The following FAM47E variants were observed in gnomAD, a reference collection of about 807,000 sequenced individuals.
FAM47E encodes family with sequence similarity 47 member E.
In FAM47E, 32 loss-of-function variants were observed where a neutral mutation model predicts 41.6. That is an observed-to-expected ratio of 0.77 (90% confidence interval 0.58 to 1.03). The LOEUF is 1.03. FAM47E is among the 50% of genes least tolerant of loss of function. The pLI, the probability that FAM47E is intolerant of heterozygous loss-of-function variation, is 0.00. For synonymous variants in FAM47E, 184 were observed against 188.7 expected (o/e 0.98, Z 0.20); for missense variants, 424 against 485.4 (o/e 0.87, Z 1.19).
intron 2 of FAM47E, among the ~76,000 whole-genome samples, chr4:76,232,997 G>T (rs942858295): frequency 6.6e-6 from 1 of 152,114 alleles, no homozygotes; most frequent in Non-Finnish European, 1.5e-5. Flanking sequence ...CCAGTTGTTT[G>T]AACCTTCAGC....
upstream of FAM47E, among the ~76,000 whole-genome samples, chr4:76,247,344 G>A (rs1384759578): frequency 6.6e-6 from 1 of 152,016 alleles, no homozygotes; most frequent in Non-Finnish European, 1.5e-5. Flanking sequence ...TTCATCTGTT[G>A]GTGGACACTT....
At chr4:76,228,402 C>T (rs1393570397) in intron 2 of FAM47E, among the ~76,000 whole-genome samples, 1 of 151,588 alleles carries the variant, frequency 6.6e-6, no homozygotes, top group Non-Finnish European at 1.5e-5. Context: ...TCACTTGAAC[C>T]CGGAAGGTGA....
intron 2 of FAM47E, among the ~76,000 whole-genome samples, chr4:76,233,584 ACG>A (rs1733529302): frequency 1.9e-4 from 3 of 15,818 alleles, no homozygotes; most frequent in Middle Eastern, 0.083. Context: ...ACACACACAC[ACG>A]CACACACACA....
At chr4:76,264,959 A>G (rs1734571382) in intron 3 of FAM47E, among the ~76,000 whole-genome samples, 1 of 152,214 alleles carries the variant, frequency 6.6e-6, no homozygotes, top group Non-Finnish European at 1.5e-5. Context: ...TGAACTAGAG[A>G]GTAGCCTATC....
At chr4:76,214,163 A>G in exon 1 of FAM47E, 1 of 451,106 alleles carries the variant, frequency 2.2e-6, no homozygotes, top group East Asian at 7.0e-5. Context: ...TGGGGATTCA[A>G]GGTGGCTGGG....
chr4:76,261,915 G>A (rs1675244601), intron 2 of FAM47E, among the ~76,000 whole-genome samples: 1 of 152,144 alleles, frequency 6.6e-6, no homozygotes, highest in African/African-American at 2.4e-5. Flanking sequence ...ATTCCTTACA[G>A]CTGCTGAAAT....
At chr4:76,258,980 A>G (rs1278253003) in intron 2 of FAM47E, among the ~76,000 whole-genome samples, 2 of 152,222 alleles carry the variant, frequency 1.3e-5, no homozygotes, top group Admixed American at 6.5e-5. Context: ...GAAACATGGT[A>G]AAGTGTTATT....
chr4:76,277,105 C>CT, intron 5 of FAM47E, among the ~76,000 whole-genome samples: 1 of 152,150 alleles, frequency 6.6e-6, no homozygotes, highest in East Asian at 1.9e-4. Flanking sequence ...ACAGGTTCTC[C>CT]TAACGTCCTT....
chr4:76,280,190 C>A, intron 6 of FAM47E, 74 bp from the exon 7 acceptor site: 1 of 902,666 alleles, frequency 1.1e-6, no homozygotes, highest in South Asian at 1.6e-5. Context: ...GAACTAAATG[C>A]TTTTAATGAG....
chr4:76,251,381 C>G (rs770262846), upstream of FAM47E, among the ~76,000 whole-genome samples: 6 of 152,210 alleles, frequency 3.9e-5, no homozygotes, highest in Non-Finnish European at 7.3e-5. Flanking sequence ...TCCTCTTTCT[C>G]TTGCTATCTC....
At position 76,265,434 on chromosome 4, in the gene FAM47E, C is replaced by T. The variant is rs78113184; in HGVS notation, c.560+1591C>T. Among the ~76,000 whole-genome samples, 1,091 of 152,314 alleles carry T rather than the reference C, an allele frequency of 7.2e-3. 12 individuals are homozygous for T. The highest frequency in any genetic ancestry group is 0.025 in the African/African-American group (1,021 of 41,576). ...ATCAGTGAAGGGGATATTTTGGCTA[C>T]TGTCTTTGCTCTCTGTATTGTTTTT... On this transcript the variant is annotated intron_variant, in intron 3 of 7. Coordinates refer to ENST00000424749, the MANE Select transcript of FAM47E (RefSeq NM_001136570.3).
intron 2 of FAM47E, among the ~76,000 whole-genome samples, chr4:76,222,847 T>C (rs1167024975): frequency 6.6e-6 from 1 of 152,168 alleles, no homozygotes; most frequent in Non-Finnish European, 1.5e-5. Flanking sequence ...GGAGGACTAG[T>C]AAGCCCCAGC....
chr4:76,265,144 C>T (rs1314414124), intron 3 of FAM47E, among the ~76,000 whole-genome samples: 3 of 152,214 alleles, frequency 2.0e-5, no homozygotes, highest in Non-Finnish European at 4.4e-5. Context: ...GAACTCTAGT[C>T]TTAGGACATT....
At chr4:76,235,153 T>TA (rs1233326521) in intron 2 of FAM47E, among the ~76,000 whole-genome samples, 2 of 151,718 alleles carry the variant, frequency 1.3e-5, no homozygotes, top group Non-Finnish European at 1.5e-5. Context: ...CCGTCCCTAC[T>TA]AAAAAATACA....
At chr4:76,277,932 AC>A in intron 5 of FAM47E, 136 bp from the exon 6 acceptor site, 1 of 1,099,806 alleles carries the variant, frequency 9.1e-7, no homozygotes, top group Non-Finnish European at 1.2e-6. Flanking sequence ...GCATGCTGAA[AC>A]TTCACAAAAT....
chr4:76,269,868 T>C (rs1734813948), intron 4 of FAM47E, among the ~76,000 whole-genome samples: 1 of 152,126 alleles, frequency 6.6e-6, no homozygotes, highest in African/African-American at 2.4e-5. Context: ...AGAACCTATA[T>C]AGTTGCCTAT....
Position 76,271,713 on chromosome 4 carries a change from A to T in FAM47E, c.815A>T (p.Gln272Leu). Reference sequence around the variant, plus strand: ...CGTAGTGTGGGGCTCAGTAAACTGCAGGAGACAGAGTTCTTCCAGAAACTA... The same window carrying T: ...CGTAGTGTGGGGCTCAGTAAACTGCTGGAGACAGAGTTCTTCCAGAAACTA... ...LKRSVGLSKL[Q>L]ETEFFQKLGY... Residue 272 changes from glutamine to leucine, a missense_variant, in exon 5 of 8, where the codon CAG becomes CTG. Physicochemically the swap from Gln to Leu is moderately radical, Grantham distance 113. Coordinates refer to ENST00000424749, the MANE Select transcript of FAM47E (RefSeq NM_001136570.3). 6.4e-7 allele frequency: 1 copy of T among 1,551,768 alleles called. No individual in the cohort carries two copies. Among genetic ancestry groups the T allele is most frequent in the Non-Finnish European group, 8.7e-7 (1 of 1,146,988 alleles).
intron 2 of FAM47E, among the ~76,000 whole-genome samples, chr4:76,222,510 G>A (rs1461515844): frequency 1.3e-5 from 2 of 152,204 alleles, no homozygotes; most frequent in African/African-American, 2.4e-5. Context: ...TTACAGGCAT[G>A]AGCCACCGTG....
chr4:76,261,321 G>C (rs1734406905), intron 2 of FAM47E, among the ~76,000 whole-genome samples: 1 of 152,110 alleles, frequency 6.6e-6, no homozygotes, highest in Admixed American at 6.5e-5. Flanking sequence ...TTCCACTACT[G>C]GGTATCTACC....
Sources: gnomAD v4.1 joint callset for allele counts (sites outside exome capture counted in the v4.1 genomes callset) on GRCh38, gnomAD v4.1.1 for gene constraint, MANE v1.5 for transcripts, NCBI Gene and HGNC (gene_info 2026-07-23, HGNC 2026-07-21) for gene names.